The following EIPR1 variants were observed in gnomAD, a reference collection of about 807,000 sequenced individuals.
EIPR1 encodes the protein EARP complex and GARP complex interacting protein 1.
EIPR1 carries 25 observed loss-of-function variants against 48.1 expected under a neutral mutation model. That is an observed-to-expected ratio of 0.52 (90% CI 0.38 to 0.73). The LOEUF (loss-of-function observed/expected upper bound fraction) is 0.73, where lower values mean the gene tolerates loss of function less well. Among genes scored for constraint, EIPR1 ranks in the 30% least tolerant of loss-of-function variants. The pLI is 0.00. For synonymous variants in EIPR1, 204 were observed against 201.9 expected (o/e 1.01, Z -0.09); for missense variants, 415 against 506.2 (o/e 0.82, Z 1.73).
rs920586836 is a variant in EIPR1 at position 3,320,902 on chromosome 2, C to T, written c.259+17115G>A. ...TCCAGAGAAGATAGGTCACCTGACTCTGTTTTTGTTAGTCTTAAAAAAAAT... is the reference window on the plus strand; with the variant it reads ...TCCAGAGAAGATAGGTCACCTGACTTTGTTTTTGTTAGTCTTAAAAAAAAT... On this transcript the variant is annotated intron_variant, in intron 3 of 8. Coordinates refer to ENST00000382125, the MANE Select transcript of EIPR1 (RefSeq NM_003310.5). 7.9e-5 allele frequency among the ~76,000 whole-genome samples: 12 copies of T among 152,294 alleles called. No individual in the cohort carries two copies. In the South Asian group the frequency reaches 2.5e-3, roughly 32 times the overall value.
intron 8 of EIPR1, among the ~76,000 whole-genome samples, 200 bp downstream of exon 8, chr2:3,192,214 C>A (rs1032273311): frequency 2.0e-5 from 3 of 152,240 alleles, no homozygotes; most frequent in Admixed American, 6.5e-5. Flanking sequence ...CTAACCCTAA[C>A]GCACCTGCAG....
intron 5 of EIPR1, among the ~76,000 whole-genome samples, chr2:3,199,309 T>C (rs547397722): frequency 4.8e-4 from 73 of 152,278 alleles, no homozygotes; most frequent in African/African-American, 1.7e-3. Context: ...ACGAACAATG[T>C]GTGCAGTTAA....
intron 4 of EIPR1, among the ~76,000 whole-genome samples, chr2:3,220,894 A>C (rs1172212756): frequency 1.3e-5 from 2 of 150,840 alleles, no homozygotes; most frequent in African/African-American, 2.4e-5. Flanking sequence ...ATTCACAGTC[A>C]GTTAAGGACA....
intron 3 of EIPR1, among the ~76,000 whole-genome samples, chr2:3,325,452 C>T (rs570304567): frequency 6.6e-6 from 1 of 152,184 alleles, no homozygotes; most frequent in Admixed American, 6.5e-5. Flanking sequence ...GACAGTGAAG[C>T]GGTGACAGGA....
At chr2:3,203,550 G>C (rs761453797) in intron 5 of EIPR1, among the ~76,000 whole-genome samples, 2 of 152,238 alleles carry the variant, frequency 1.3e-5, no homozygotes, top group Non-Finnish European at 2.9e-5. Flanking sequence ...CCTCCAGCTG[G>C]AGGGTAGATA....
intron 3 of EIPR1, among the ~76,000 whole-genome samples, chr2:3,292,443 C>G (rs1274936655): frequency 6.6e-6 from 1 of 152,226 alleles, no homozygotes. Flanking sequence ...TTCCCCCATG[C>G]TCACCATGCT....
At chr2:3,297,116 G>C (rs565817201) in intron 3 of EIPR1, among the ~76,000 whole-genome samples, 1 of 152,224 alleles carries the variant, frequency 6.6e-6, no homozygotes, top group Non-Finnish European at 1.5e-5. Flanking sequence ...AATTGTGTCT[G>C]TGGCTCCAGC....
At chr2:3,319,373 T>C (rs1180534646) in intron 3 of EIPR1, 1 of 181,492 alleles carries the variant, frequency 5.5e-6, no homozygotes. Context: ...AACTTGATCA[T>C]TCCCAGAAAG....
At chr2:3,346,565 AG>A (rs1460425645) in intron 2 of EIPR1, among the ~76,000 whole-genome samples, 1 of 152,230 alleles carries the variant, frequency 6.6e-6, no homozygotes, top group Non-Finnish European at 1.5e-5. Context: ...AATATGTGTC[AG>A]GGATCGCAAG....
At chr2:3,253,746 C>G (rs1337173203) in intron 4 of EIPR1, among the ~76,000 whole-genome samples, 1 of 152,208 alleles carries the variant, frequency 6.6e-6, no homozygotes, top group Non-Finnish European at 1.5e-5. Context: ...CTAGCAGGAG[C>G]TAAAGGCGAC....
chr2:3,370,178 C>G (rs1272055575), intron 1 of EIPR1, among the ~76,000 whole-genome samples: 1 of 152,186 alleles, frequency 6.6e-6, no homozygotes, highest in Non-Finnish European at 1.5e-5. Context: ...AGCTGAGGGT[C>G]CTGTCTGTTA....
At chr2:3,215,374 G>A (rs1665595965) in intron 4 of EIPR1, among the ~76,000 whole-genome samples, 1 of 152,206 alleles carries the variant, frequency 6.6e-6, no homozygotes, top group South Asian at 2.1e-4. Context: ...CAGAGGAGCT[G>A]CCACCGGCCA....
rs1665558356 is a variant in EIPR1, at chr2:3,214,372, T to C, written c.417-124A>G. 6.0e-5 allele frequency: 49 copies of C among 815,714 alleles called. No individual in the cohort carries two copies. The South Asian group carries it at 7.2e-4, about 12-fold the overall frequency. The allele number at this position is 815,714 out of a possible 1,614,324, so 50.5% of individuals were successfully genotyped here. On this transcript the variant is annotated intron_variant, in intron 4 of 8. Coordinates refer to ENST00000382125, the MANE Select transcript of EIPR1 (RefSeq NM_003310.5). The stretch of plus-strand genomic sequence containing the variant: ...CTTTTCCGGCCTGTAGTCACTAGAG[T>C]ATTTTTTACACTGTCACCCGGCAAT...
At chr2:3,362,560 C>T (rs568668910) in intron 1 of EIPR1, among the ~76,000 whole-genome samples, 1 of 151,850 alleles carries the variant, frequency 6.6e-6, no homozygotes, top group South Asian at 2.1e-4. Flanking sequence ...CATTTCTTTC[C>T]TGTCAGACTC....
chr2:3,207,260 G>T (rs1665269522), intron 5 of EIPR1, among the ~76,000 whole-genome samples: 1 of 152,144 alleles, frequency 6.6e-6, no homozygotes, highest in Non-Finnish European at 1.5e-5. Flanking sequence ...ATGGACACTT[G>T]GTCAGGCCAA....
At chr2:3,271,572 T>C (rs186112443) in intron 3 of EIPR1, among the ~76,000 whole-genome samples, 1 of 152,290 alleles carries the variant, frequency 6.6e-6, no homozygotes, top group Admixed American at 6.5e-5. Context: ...GCATTGCCAA[T>C]GGGGAGTAAT....
At chr2:3,326,904 G>A (rs1400319107) in intron 3 of EIPR1, among the ~76,000 whole-genome samples, 4 of 152,248 alleles carry the variant, frequency 2.6e-5, no homozygotes, top group Non-Finnish European at 5.9e-5. Context: ...GTAGCAAAAT[G>A]GCTGATCCCT....
At chr2:3,194,548 A>T (rs1664731731) in intron 6 of EIPR1, among the ~76,000 whole-genome samples, 1 of 152,202 alleles carries the variant, frequency 6.6e-6, no homozygotes, top group Non-Finnish European at 1.5e-5. Context: ...ACATTTCTGG[A>T]AGGACACAGT....
At chr2:3,206,677 A>T (rs1282429800) in intron 5 of EIPR1, among the ~76,000 whole-genome samples, 1 of 152,186 alleles carries the variant, frequency 6.6e-6, no homozygotes, top group Non-Finnish European at 1.5e-5. Context: ...TGTGTCTTAA[A>T]CCCCAAAATG....
Sources: gnomAD v4.1 joint callset for allele counts (sites outside exome capture counted in the v4.1 genomes callset) on GRCh38, gnomAD v4.1.1 for gene constraint, MANE v1.5 for transcripts, NCBI Gene and HGNC (gene_info 2026-07-23, HGNC 2026-07-21) for gene names.